DLGAP2: variants seen among roughly 807,000 people sequenced by gnomAD.
DLGAP2 encodes disks large-associated protein 2.
In DLGAP2, 26 loss-of-function variants were observed where a neutral mutation model predicts 100.3. That is an observed-to-expected ratio of 0.26 (90% CI 0.19 to 0.36). The LOEUF (loss-of-function observed/expected upper bound fraction) is 0.36. Among genes scored for constraint, DLGAP2 ranks in the 10% least tolerant of loss-of-function variants. The pLI is 1.00. For synonymous variants in DLGAP2, 886 were observed against 630.1 expected, an observed-to-expected ratio of 1.41 and a Z score of -6.08; for missense variants, 1,858 against 1,453.2, an observed-to-expected ratio of 1.28 and a Z score of -4.53.
intron 1 of DLGAP2, among the ~76,000 whole-genome samples, chr8:758,438 C>T (rs1043186962): frequency 8.6e-5 from 13 of 152,018 alleles, no homozygotes; most frequent in South Asian, 2.1e-4. Flanking sequence ...GTAACATTTG[C>T]GTATAGTTTA....
chr8:917,193 G>A (rs1189021529), intron 2 of DLGAP2, among the ~76,000 whole-genome samples: 2 of 151,502 alleles, frequency 1.3e-5, no homozygotes, highest in African/African-American at 4.8e-5. Flanking sequence ...TTGGACATCA[G>A]TATTGTTCCC....
chr8:1,011,961 C>T lies in DLGAP2; in HGVS notation c.73+103995C>T, dbSNP rs571392493. Among the ~76,000 whole-genome samples, 11 of 152,290 alleles carry T rather than the reference C, an allele frequency of 7.2e-5. No individual in the cohort carries two copies. The South Asian group carries it at 8.3e-4, about 11-fold the overall frequency. Reference sequence around the variant, plus strand: ...CACCTGGGCGTGTAGACGGATGTCTCGGCTCACTCTAAATTCAGGCTGGTT... The same window carrying T: ...CACCTGGGCGTGTAGACGGATGTCTTGGCTCACTCTAAATTCAGGCTGGTT... On this transcript the variant is annotated intron_variant, in intron 2 of 14. Coordinates refer to ENST00000637795, the MANE Select transcript of DLGAP2 (RefSeq NM_001346810.2).
chr8:938,344 G>A (rs1044176523), intron 2 of DLGAP2, among the ~76,000 whole-genome samples: 1 of 152,132 alleles, frequency 6.6e-6, no homozygotes, highest in East Asian at 1.9e-4. Context: ...CTACAGGTAT[G>A]CGCCACCATG....
At chr8:1,506,578 G>A (rs563563301) in intron 4 of DLGAP2, among the ~76,000 whole-genome samples, 2,310 of 152,278 alleles carry the variant, frequency 0.015, 29 homozygotes, top group Middle Eastern at 0.027. Context: ...TAAAAATTAA[G>A]CATCCACACT....
chr8:1,025,137 T>C (rs1409833968), intron 2 of DLGAP2, among the ~76,000 whole-genome samples: 2 of 152,222 alleles, frequency 1.3e-5, no homozygotes, highest in South Asian at 2.1e-4. Context: ...TGTGCATGTG[T>C]GTGTGCGTGT....
chr8:1,291,974 C>T (rs771975211), intron 3 of DLGAP2, among the ~76,000 whole-genome samples: 4 of 152,166 alleles, frequency 2.6e-5, no homozygotes, highest in Non-Finnish European at 5.9e-5. Flanking sequence ...GATGTAGGGA[C>T]ATGAGAGGCT....
chr8:1,365,810 C>G (rs1462919984), intron 3 of DLGAP2, among the ~76,000 whole-genome samples: 1 of 152,238 alleles, frequency 6.6e-6, no homozygotes, highest in African/African-American at 2.4e-5. Context: ...TGTGCCATGT[C>G]TCATGTCGGG....
At chr8:891,805 C>T (rs933996705) in intron 1 of DLGAP2, among the ~76,000 whole-genome samples, 14 of 152,068 alleles carry the variant, frequency 9.2e-5, no homozygotes, top group African/African-American at 3.4e-4. Flanking sequence ...GGGAGAGATT[C>T]TCACTGCCTG....
intron 2 of DLGAP2, among the ~76,000 whole-genome samples, chr8:1,033,685 A>T (rs1802037000): frequency 6.6e-6 from 1 of 151,268 alleles, no homozygotes; most frequent in Non-Finnish European, 1.5e-5. Flanking sequence ...AGGGAATGAG[A>T]ACCGCGAGTG....
intron 2 of DLGAP2, among the ~76,000 whole-genome samples, chr8:1,249,909 C>A (rs1798999141): frequency 6.6e-6 from 1 of 152,062 alleles, no homozygotes; most frequent in Non-Finnish European, 1.5e-5. Context: ...GAGAGAGAGT[C>A]TTGCTCTGTC....
intron 2 of DLGAP2, among the ~76,000 whole-genome samples, chr8:1,227,158 A>ATATATATATATATATATC (rs1798436716): frequency 2.2e-5 from 3 of 134,194 alleles, no homozygotes; most frequent in African/African-American, 8.9e-5. Flanking sequence ...TGTGAGATAT[A>ATATATATATATATATATC]TATATATATA....
At chr8:1,334,784 A>G (rs555747060) in intron 3 of DLGAP2, among the ~76,000 whole-genome samples, 1 of 152,114 alleles carries the variant, frequency 6.6e-6, no homozygotes, top group South Asian at 2.1e-4. Flanking sequence ...GTAACATGGT[A>G]AATACATGAT....
At chr8:1,422,461 G>T (rs561408198) in intron 3 of DLGAP2, among the ~76,000 whole-genome samples, 7 of 152,076 alleles carry the variant, frequency 4.6e-5, no homozygotes, top group Admixed American at 3.9e-4. Flanking sequence ...AAGAGCAAGT[G>T]ATGCCAGGGA....
intron 2 of DLGAP2, among the ~76,000 whole-genome samples, chr8:1,133,354 T>A (rs923136899): frequency 6.6e-6 from 1 of 152,156 alleles, no homozygotes; most frequent in Non-Finnish European, 1.5e-5. Context: ...AAAAATAAAT[T>A]CATCTTTCTG....
rs73670765 is a variant in DLGAP2, at chr8:1,334,417, G to T, written c.106+75534G>T. Among the ~76,000 whole-genome samples the T allele has an allele frequency of 6.9e-3, 1,052 of 152,308 alleles. 10 individuals carry two copies. The highest frequency in any genetic ancestry group is 0.016 in the African/African-American group (652 of 41,572). On this transcript the variant is annotated intron_variant, in intron 3 of 14. Coordinates refer to ENST00000637795, the MANE Select transcript of DLGAP2 (RefSeq NM_001346810.2). ...CATCAAATGGTGGATATGTCAAGGAGTCGGTGAATTTTCTGTAAATATGTG... is the reference window on the plus strand; with the variant it reads ...CATCAAATGGTGGATATGTCAAGGATTCGGTGAATTTTCTGTAAATATGTG...
Position 889,909 on chromosome 8 carries a change from C to A in DLGAP2, c.19-18003C>A, listed in dbSNP as rs4735952. On this transcript the variant is annotated intron_variant, in intron 1 of 14. Coordinates refer to ENST00000637795, the MANE Select transcript of DLGAP2 (RefSeq NM_001346810.2). ...GGCGTGAGTTTGCAAGTGGGATCTT[C>A]TGATCCGTGGGTTGCACGGTTTTGT... Among the ~76,000 whole-genome samples the A allele has an allele frequency of 9.8e-3, 1,498 of 152,312 alleles. 41 individuals carry two copies. Among genetic ancestry groups the A allele is most frequent in the Admixed American group, 0.058 (883 of 15,304 alleles).
intron 2 of DLGAP2, among the ~76,000 whole-genome samples, chr8:1,087,310 C>T (rs1183974962): frequency 6.6e-6 from 1 of 152,058 alleles, no homozygotes; most frequent in Non-Finnish European, 1.5e-5. Flanking sequence ...TTAGTATGCC[C>T]AGACTCTTTC....
chr8:867,102 C>A (rs1364722482), intron 1 of DLGAP2, among the ~76,000 whole-genome samples: 2 of 152,244 alleles, frequency 1.3e-5, no homozygotes, highest in East Asian at 3.9e-4. Flanking sequence ...CGTGTGCCGC[C>A]TACCGGCCGT....
intron 2 of DLGAP2, among the ~76,000 whole-genome samples, chr8:1,089,478 G>T (rs2129041216): frequency 6.6e-6 from 1 of 152,276 alleles, no homozygotes; most frequent in East Asian, 1.9e-4. Flanking sequence ...AGCTCCGTCT[G>T]TCCCCCAGGG....
Sources: allele counts gnomAD v4.1 joint callset (sites outside exome capture counted in the v4.1 genomes callset), GRCh38; gene constraint gnomAD v4.1.1; transcripts MANE v1.5; gene names NCBI Gene and HGNC (gene_info 2026-07-23, HGNC 2026-07-21).